The following KLHL5 variants were observed in gnomAD, a reference collection of about 807,000 sequenced individuals.
KLHL5 encodes the protein kelch-like protein 5.
A neutral mutation model predicts 77.7 loss-of-function variants in KLHL5; 48 were observed. The observed-to-expected ratio is 0.62, with a 90% confidence interval of 0.49 to 0.79. The LOEUF is 0.79. KLHL5 is among the 30% of genes least tolerant of loss of function. The probability of loss-of-function intolerance (pLI) is 0.00; values close to 1 mark genes in which losing one functional copy is unlikely to be tolerated. For synonymous variants in KLHL5, 260 were observed against 297.0 expected (o/e 0.88, Z 1.28); for missense variants, 723 against 859.7 (o/e 0.84, Z 1.99).
At chr4:39,044,882 T>A, upstream of KLHL5, 1 of 949,468 alleles carries the variant, frequency 1.1e-6, no homozygotes, top group East Asian at 1.2e-4. Context: ...ACCCGGGGAC[T>A]CTGACCCCCC....
chr4:39,061,403 T>C (rs777217095), upstream of KLHL5, among the ~76,000 whole-genome samples: 44 of 152,214 alleles, frequency 2.9e-4, no homozygotes, highest in Admixed American at 7.2e-4. Flanking sequence ...CACTTTAATA[T>C]TGCAGCATTT....
intron 4 of KLHL5, 113 bp downstream of exon 4, chr4:39,082,272 T>G: frequency 1.3e-6 from 1 of 794,984 alleles, no homozygotes; most frequent in South Asian, 1.8e-5. Flanking sequence ...GTCTTGCGAT[T>G]GAGCTTCATT....
At chr4:39,074,134 ATTTTCC>A (rs1718776088) in intron 1 of KLHL5, among the ~76,000 whole-genome samples, 1 of 152,068 alleles carries the variant, frequency 6.6e-6, no homozygotes, top group African/African-American at 2.4e-5. Flanking sequence ...CTTGACTTGG[ATTTTCC>A]AAGTCATTAC....
chr4:39,120,878 G>A (rs574824483), intron 10 of KLHL5, 132 bp from the exon 11 acceptor site: 102 of 672,518 alleles, frequency 1.5e-4, no homozygotes, highest in South Asian at 6.0e-4. Context: ...CAGAAACAGC[G>A]CTGATACAGC....
chr4:39,062,656 T>A lies in KLHL5; in HGVS notation c.4T>A (p.Ser2Thr). 1 of 1,614,212 alleles carries A rather than the reference T, an allele frequency of 6.2e-7. No homozygotes were observed. The highest frequency in any genetic ancestry group is 8.5e-7 in the Non-Finnish European group (1 of 1,180,014). Residue 2 changes from serine to threonine, a missense_variant, in exon 1 of 11, where the codon TCT (serine) becomes ACT (threonine). This residue lies in a region of KLHL5 where 221 missense variants were observed against 222.1 expected (regional missense o/e 1.00). Coordinates refer to ENST00000504108, the MANE Select transcript of KLHL5 (RefSeq NM_015990.5). M[S>T]GSRKEFDVKQ... Reference sequence around the variant, plus strand: ...CGATCACTTGGTTTCTCTGAGGATGTCTGGTTCTCGTAAAGAGTTTGATGT... The same window carrying A: ...CGATCACTTGGTTTCTCTGAGGATGACTGGTTCTCGTAAAGAGTTTGATGT...
At position 39,113,351 on chromosome 4, in the gene KLHL5, A is replaced by G. The variant is rs998336635; in HGVS notation, c.1901+119A>G. Reference sequence around the variant, plus strand: ...GGGAAAGTCGGCATTCAAAAATGCAAAGCAACTTCACTTTATAACAGCCTG... The same window carrying G: ...GGGAAAGTCGGCATTCAAAAATGCAGAGCAACTTCACTTTATAACAGCCTG... On this transcript the variant is annotated intron_variant, in intron 9 of 10. Transcript: ENST00000504108. 22 of 771,090 alleles carry G rather than the reference A, an allele frequency of 2.9e-5. No homozygotes were observed. The African/African-American group carries it at 3.3e-4, about 12-fold the overall frequency. 47.8% of individuals were successfully genotyped at this position (771,090 alleles called of 1,614,324 possible).
At chr4:39,135,730 C>T in the KLHL5 span, 4 of 152,090 alleles carry the variant, frequency 2.6e-5, no homozygotes, top group Non-Finnish European at 5.9e-5. Flanking sequence ...GTGGTGAAAC[C>T]CTGTCTCTAC....
At chr4:39,047,612 T>C (rs1716296680) in intron 1 of KLHL5, among the ~76,000 whole-genome samples, 1 of 152,216 alleles carries the variant, frequency 6.6e-6, no homozygotes, top group African/African-American at 2.4e-5. Flanking sequence ...TCCCCCGAAT[T>C]CTTTCACATT....
chr4:39,113,796 A>C lies in KLHL5; in HGVS notation c.1901+564A>C, dbSNP rs375972647. 2.3e-4 allele frequency among the ~76,000 whole-genome samples: 35 copies of C among 152,300 alleles called. No homozygotes were observed. The South Asian group carries it at 7.1e-3, about 31-fold the overall frequency. ...GTCTGAACACTCCAAAGCAGAAAGA[A>C]ATACTGAAAGGCAGCCATTGTGGCT... On this transcript the variant is annotated intron_variant, in intron 9 of 10. Coordinates refer to ENST00000504108, the MANE Select transcript of KLHL5 (RefSeq NM_015990.5).
At chr4:39,093,334 G>C (rs2712007) in intron 5 of KLHL5, 107,486 of 450,672 alleles carry the variant, frequency 0.24, 14,716 homozygotes, top group African/African-American at 0.46. Context: ...GTGCTTGGGA[G>C]AGAAGATGGG....
chr4:39,102,027 A>G (rs1721620832), intron 6 of KLHL5, among the ~76,000 whole-genome samples: 1 of 150,450 alleles, frequency 6.6e-6, no homozygotes, highest in African/African-American at 2.4e-5. Flanking sequence ...TGTCTATCCC[A>G]AATAATTTAG....
Position 39,081,921 on chromosome 4 carries a change from A to T in KLHL5, c.704-42A>T. ...ATCAATTATTTTATAAAATAAGGTT[A>T]ATGTAGTTCCATGGCTAATGGAATT... On this transcript the variant is annotated intron_variant, in intron 3 of 10. Coordinates refer to ENST00000504108, the MANE Select transcript of KLHL5 (RefSeq NM_015990.5). The surrounding 1 kb of genome is among the most constrained non-coding windows in gnomAD (Gnocchi z 4.3). 7.3e-7 allele frequency: 1 copy of T among 1,377,384 alleles called. No individual in the cohort carries two copies. Among genetic ancestry groups the T allele is most frequent in the Non-Finnish European group, 9.9e-7 (1 of 1,005,814 alleles). 85.3% of individuals were successfully genotyped at this position (1,377,384 alleles called of 1,614,324 possible). A position where few individuals can be genotyped will look rare whatever the true frequency, so the allele number is the denominator to read the frequency against.
At chr4:39,131,887 CA>C in the KLHL5 span, among the ~76,000 whole-genome samples, 61,885 of 114,336 alleles carry the variant, frequency 0.54, 13,110 homozygotes, top group Admixed American at 0.58. Flanking sequence ...GACCCTGTCT[CA>C]AAAAAAAAAA....
upstream of KLHL5, chr4:39,045,009 C>T: frequency 5.0e-6 from 5 of 993,516 alleles, no homozygotes; most frequent in Admixed American, 6.1e-5. Context: ...CCACTCAGCT[C>T]GCCGGCCCCG....
rs191929695 is a variant in KLHL5, at chr4:39,116,805, C to T, written c.2073+1475C>T. Among the ~76,000 whole-genome samples the T allele has an allele frequency of 5.3e-5, 8 of 152,066 alleles. No homozygotes were observed. In the East Asian group the frequency reaches 5.8e-4, roughly 11 times the overall value. On this transcript the variant is annotated intron_variant, in intron 10 of 10. Transcript: ENST00000504108. The stretch of plus-strand genomic sequence containing the variant: ...GACCAGCATGGGTGACAAAGTGAGG[C>T]GCCATCTCTGCAAAAATTTGTGGGT...
intron 4 of KLHL5, among the ~76,000 whole-genome samples, chr4:39,084,307 C>T (rs959276395): frequency 6.6e-6 from 1 of 152,136 alleles, no homozygotes. Flanking sequence ...ATCTGGAAAC[C>T]TGTTTTCTCA....
intron 1 of KLHL5, among the ~76,000 whole-genome samples, chr4:39,074,524 C>T (rs1356197228): frequency 2.0e-5 from 3 of 152,104 alleles, no homozygotes; most frequent in Admixed American, 6.5e-5. Flanking sequence ...AGTTCATTTC[C>T]ATAAGAACAC....
chr4:39,137,852 G>A, the KLHL5 span, among the ~76,000 whole-genome samples: 1 of 151,986 alleles, frequency 6.6e-6, no homozygotes, highest in African/African-American at 2.4e-5. Flanking sequence ...GCATCTATAT[G>A]GAACTTAAAC....
chr4:39,114,664 G>T (rs1470489334), intron 9 of KLHL5, among the ~76,000 whole-genome samples: 1 of 152,188 alleles, frequency 6.6e-6, no homozygotes, highest in Non-Finnish European at 1.5e-5. Context: ...TGAATTATGG[G>T]CTTGCTGTTG....
Sources: gnomAD v4.1 joint callset for allele counts (sites outside exome capture counted in the v4.1 genomes callset) on GRCh38, gnomAD v4.1.1 for gene constraint, gnomAD v4.1.1 regional missense constraint, Gnocchi (gnomAD v3.1) non-coding constraint, MANE v1.5 for transcripts, NCBI Gene and HGNC (gene_info 2026-07-23, HGNC 2026-07-21) for gene names.